Variants in SH3GL2 observed in about 807,000 individuals in gnomAD.
SH3GL2 encodes the protein SH3 domain containing GRB2 like 2, endophilin A1.
Under a neutral mutation model 46.0 loss-of-function variants are expected in SH3GL2, and 24 were observed. The observed-to-expected ratio is 0.52, with a 90% CI of 0.38 to 0.73. The LOEUF (loss-of-function observed/expected upper bound fraction) is 0.73, where lower values mean the gene tolerates loss of function less well. Ranked by LOEUF, SH3GL2 falls within the 30% of genes least tolerant of loss-of-function variation. The probability of loss-of-function intolerance (pLI) is 0.00; values close to 1 mark genes in which losing one functional copy is unlikely to be tolerated. For synonymous variants in SH3GL2, 196 were observed against 147.1 expected (o/e 1.33, Z -2.40); for missense variants, 413 against 424.2 (o/e 0.97, Z 0.23).
intron 3 of SH3GL2, among the ~76,000 whole-genome samples, chr9:17,775,265 C>T (rs571298610): frequency 1.3e-5 from 2 of 152,140 alleles, no homozygotes; most frequent in African/African-American, 4.8e-5. Flanking sequence ...TTAAAGACAT[C>T]CTTGGCTCTT....
intron 1 of SH3GL2, among the ~76,000 whole-genome samples, chr9:17,702,093 A>G (rs1004753653): frequency 3.9e-5 from 6 of 152,138 alleles, no homozygotes; most frequent in Non-Finnish European, 7.4e-5. Flanking sequence ...GAAGAAACAG[A>G]TTAATAGTTT....
intron 6 of SH3GL2, 140 bp downstream of exon 6, chr9:17,789,690 A>G (rs915950758): frequency 7.8e-6 from 11 of 1,417,618 alleles, no homozygotes; most frequent in Non-Finnish European, 1.0e-5. Flanking sequence ...TTTATTTTAA[A>G]TAATTGTCAG....
chr9:17,672,302 A>T (rs979512803), intron 1 of SH3GL2, among the ~76,000 whole-genome samples: 1 of 152,162 alleles, frequency 6.6e-6, no homozygotes. Context: ...ACAATATCAT[A>T]TCTGTGTACC....
Position 17,796,073 on chromosome 9 carries a change from G to A in SH3GL2, c.*330G>A, listed in dbSNP as rs528194110. 5 of 260,492 alleles carry A rather than the reference G, an allele frequency of 1.9e-5. No homozygotes were observed. The highest frequency in any genetic ancestry group is 7.2e-5 in the East Asian group (1 of 13,874). 16.1% of individuals were successfully genotyped at this position (260,492 alleles called of 1,614,324 possible). A position where few individuals can be genotyped will look rare whatever the true frequency, so the allele number is the denominator to read the frequency against. ...CATTTCACAGAAAAACCATCCCACC[G>A]AAGATATTGTCTATCACCCCAGGGG... is the stretch of plus-strand genomic sequence containing the variant. On this transcript the variant is annotated 3_prime_UTR_variant, in exon 9 of 9. Transcript: ENST00000380607.
At chr9:17,756,319 TA>T (rs1221430908) in intron 2 of SH3GL2, among the ~76,000 whole-genome samples, 16 of 152,174 alleles carry the variant, frequency 1.1e-4, no homozygotes, top group African/African-American at 3.9e-4. Flanking sequence ...TTCTTTTTTT[TA>T]TTTTTATTTT....
intron 1 of SH3GL2, among the ~76,000 whole-genome samples, chr9:17,707,953 G>A (rs1001889565): frequency 2.6e-5 from 4 of 152,074 alleles, no homozygotes; most frequent in African/African-American, 7.2e-5. Context: ...AGAGACACAT[G>A]TTCACACTTG....
chr9:17,677,331 A>G (rs4355886), intron 1 of SH3GL2, among the ~76,000 whole-genome samples: 15,614 of 151,948 alleles, frequency 0.1, 1,021 homozygotes, highest in Admixed American at 0.18. Context: ...AGATTGGACA[A>G]TTTTCCTGGT....
chr9:17,679,336 G>A (rs989173033), intron 1 of SH3GL2, among the ~76,000 whole-genome samples: 1 of 152,126 alleles, frequency 6.6e-6, no homozygotes, highest in African/African-American at 2.4e-5. Flanking sequence ...TCTCCTTGAA[G>A]AGGTCCTTCA....
Position 17,581,615 on chromosome 9 carries a change from T to C in SH3GL2, c.45+2328T>C, listed in dbSNP as rs1341511421. On this transcript the variant is annotated intron_variant, in intron 1 of 8. Transcript: ENST00000380607. ...CATCAGGTCCGTGAACCTGATGTTA[T>C]CTACAGAGAAGCTTTAGACCTAGAA... Among the ~76,000 whole-genome samples, 4 of 152,226 alleles carry C rather than the reference T, an allele frequency of 2.6e-5. No homozygotes were observed. In the East Asian group the frequency reaches 7.7e-4, roughly 29 times the overall value.
At chr9:17,593,475 A>T (rs1376447033) in intron 1 of SH3GL2, among the ~76,000 whole-genome samples, 1 of 152,062 alleles carries the variant, frequency 6.6e-6, no homozygotes, top group East Asian at 1.9e-4. Flanking sequence ...AGGTCACAGA[A>T]ATAGTCTGTG....
intron 1 of SH3GL2, among the ~76,000 whole-genome samples, chr9:17,696,668 T>TG (rs991707712): frequency 4.6e-5 from 7 of 152,086 alleles, no homozygotes; most frequent in Non-Finnish European, 8.8e-5. Context: ...GAAAACAGCA[T>TG]GGGGGAACTG....
chr9:17,684,625 A>G (rs959073500), intron 1 of SH3GL2, among the ~76,000 whole-genome samples: 5 of 152,152 alleles, frequency 3.3e-5, no homozygotes, highest in African/African-American at 1.2e-4. Context: ...TAAGCTCACT[A>G]AGCAGAATGA....
chr9:17,753,544 C>A (rs902778315), intron 2 of SH3GL2, among the ~76,000 whole-genome samples: 2 of 151,954 alleles, frequency 1.3e-5, no homozygotes, highest in African/African-American at 4.8e-5. Flanking sequence ...TTGTAAATTT[C>A]TTTAAGTTCC....
intron 1 of SH3GL2, among the ~76,000 whole-genome samples, chr9:17,680,719 GT>G (rs1820745010): frequency 6.6e-6 from 1 of 152,102 alleles, no homozygotes; most frequent in Non-Finnish European, 1.5e-5. Context: ...TAATTGTGAT[GT>G]TAGGGTGTGA....
rs1823994729 is a variant in SH3GL2 at position 17,787,484 on chromosome 9, C to G, written c.436C>G (p.Leu146Val). 1.5e-5 allele frequency: 24 copies of G among 1,612,890 alleles called. No individual in the cohort carries two copies. Among genetic ancestry groups the G allele is most frequent in the Non-Finnish European group, 2.0e-5 (24 of 1,179,196 alleles). The change falls in exon 5 of 9, where the codon CTT becomes GTT. Residue 146 changes from leucine (L) to valine (V), a missense_variant. By Grantham distance (32) the Leu-to-Val change is conservative. This residue lies in a region of SH3GL2 where 160 missense variants were observed against 192.3 expected (regional missense o/e 0.83). Coordinates refer to ENST00000380607, the MANE Select transcript of SH3GL2 (RefSeq NM_003026.5). ...KQNFIDPLQN[L>V]HDKDLREIQH... ...GAACTTCATTGACCCTCTTCAGAATCTTCATGACAAAGATCTTAGGGAAAT... is the reference window on the plus strand; with the variant it reads ...GAACTTCATTGACCCTCTTCAGAATGTTCATGACAAAGATCTTAGGGAAAT...
chr9:17,611,698 T>G (rs146956743), intron 1 of SH3GL2, among the ~76,000 whole-genome samples: 2 of 152,288 alleles, frequency 1.3e-5, no homozygotes, highest in Non-Finnish European at 2.9e-5. Flanking sequence ...CTGGTTAACT[T>G]TGGTCACTGC....
chr9:17,786,606 G>A (rs994956845), intron 4 of SH3GL2, 82 bp downstream of exon 4: 53 of 1,417,752 alleles, frequency 3.7e-5, no homozygotes, highest in East Asian at 1.8e-4. Flanking sequence ...GTAGGGAATC[G>A]GTCAAATCAT....
At chr9:17,792,540 T>C (rs1588341972) in intron 7 of SH3GL2, among the ~76,000 whole-genome samples, 1 of 152,332 alleles carries the variant, frequency 6.6e-6, no homozygotes, top group East Asian at 1.9e-4. Flanking sequence ...TAGCCATACC[T>C]TTCCAATTTC....
At chr9:17,728,632 C>T (rs1355879638) in intron 1 of SH3GL2, among the ~76,000 whole-genome samples, 1 of 152,004 alleles carries the variant, frequency 6.6e-6, no homozygotes, top group Non-Finnish European at 1.5e-5. Context: ...CCCTTGCTCC[C>T]GACCCCAGAC....
Sources: gnomAD v4.1 joint callset for allele counts (sites outside exome capture counted in the v4.1 genomes callset) on GRCh38, gnomAD v4.1.1 for gene constraint, gnomAD v4.1.1 regional missense constraint, MANE v1.5 for transcripts, NCBI Gene and HGNC (gene_info 2026-07-23, HGNC 2026-07-21) for gene names.